The following ALMS1 variants were observed in gnomAD, a reference collection of about 807,000 sequenced individuals.
ALMS1 encodes ALMS1 centrosome and basal body associated protein, also known as centrosome-associated protein ALMS1.
In ALMS1, 271 loss-of-function variants were observed where a neutral mutation model predicts 352.2. That is an observed-to-expected ratio of 0.77 (90% CI 0.70 to 0.85). The LOEUF is 0.85. Among genes scored for constraint, ALMS1 ranks in the 40% least tolerant of loss-of-function variants. The probability of loss-of-function intolerance (pLI) is 0.00; values close to 1 mark genes in which losing one functional copy is unlikely to be tolerated. For missense variants in ALMS1, 5,445 were observed against 4,870.7 expected (o/e 1.12, Z -3.51); for synonymous variants, 1,865 against 1,761.2 (o/e 1.06, Z -1.48).
intron 9 of ALMS1, among the ~76,000 whole-genome samples, chr2:73,466,384 A>T (rs1417477685): frequency 2.0e-5 from 3 of 151,548 alleles, no homozygotes; most frequent in Admixed American, 2.0e-4. Flanking sequence ...TATCTCAAGG[A>T]CAAAAAACCA....
At chr2:73,478,068 T>C (rs1217482159) in intron 9 of ALMS1, among the ~76,000 whole-genome samples, 1 of 152,168 alleles carries the variant, frequency 6.6e-6, no homozygotes, top group East Asian at 1.9e-4. Flanking sequence ...GCATCTAGCT[T>C]TTCATTATTC....
Position 73,519,926 on chromosome 2 carries a change from G to A in ALMS1, c.9691G>A (p.Glu3231Lys), listed in dbSNP as rs1289269944. 1.2e-6 allele frequency: 2 copies of A among 1,613,946 alleles called. No individual in the cohort carries two copies. The highest frequency in any genetic ancestry group is 1.7e-5 in the Admixed American group (1 of 59,998). The change falls in exon 11 of 23, where the codon GAG (glutamate) becomes AAG (lysine). Residue 3231 changes from glutamate (E) to lysine (K), a missense_variant. Physicochemically the swap from Glu to Lys is moderately conservative, Grantham distance 56 (BLOSUM62 1). Coordinates refer to ENST00000613296, the MANE Select transcript of ALMS1 (RefSeq NM_001378454.1). ...NAEDRGHEIIEPGNQKLRKAP... is the reference protein window; with the variant it reads ...NAEDRGHEIIKPGNQKLRKAP... ...TGAAGATCGTGGACATGAAATTATA[G>A]AGCCTGGTAACCAGAAGCTACGCAA...
At chr2:73,409,745 T>C (rs148778755) in intron 2 of ALMS1, among the ~76,000 whole-genome samples, 20 of 152,298 alleles carry the variant, frequency 1.3e-4, no homozygotes, top group African/African-American at 4.8e-4. Context: ...TCTGTGTGTA[T>C]GTGTATATAT....
At chr2:73,517,765 C>G (rs1673591157) in intron 10 of ALMS1, among the ~76,000 whole-genome samples, 1 of 152,084 alleles carries the variant, frequency 6.6e-6, no homozygotes, top group African/African-American at 2.4e-5. Context: ...TCAAGTGATT[C>G]TCCTGCCTCA....
chr2:73,556,597 A>T (rs1188748596), intron 13 of ALMS1, among the ~76,000 whole-genome samples: 1 of 150,566 alleles, frequency 6.6e-6, no homozygotes, highest in Non-Finnish European at 1.5e-5. Context: ...CATTGTTCAC[A>T]TCTTTTTTCC....
At chr2:73,391,042 A>G (rs968432073) in intron 1 of ALMS1, among the ~76,000 whole-genome samples, 1 of 151,986 alleles carries the variant, frequency 6.6e-6, no homozygotes, top group South Asian at 2.1e-4. Flanking sequence ...AAGTGCTGGC[A>G]TTACAGATGT....
At chr2:73,560,003 A>G (rs935098525) in intron 15 of ALMS1, among the ~76,000 whole-genome samples, 3 of 152,202 alleles carry the variant, frequency 2.0e-5, no homozygotes, top group Non-Finnish European at 4.4e-5. Context: ...CACCAAAAAC[A>G]CAGACAACAA....
chr2:73,605,960 G>A (rs925881567), intron 21 of ALMS1, among the ~76,000 whole-genome samples: 6 of 152,252 alleles, frequency 3.9e-5, no homozygotes, highest in Middle Eastern at 3.4e-3. Flanking sequence ...TTCCAAGTAC[G>A]TGGAAAATCT....
intron 16 of ALMS1, among the ~76,000 whole-genome samples, chr2:73,586,165 G>A (rs1675307350): frequency 6.6e-6 from 1 of 152,328 alleles, no homozygotes; most frequent in African/African-American, 2.4e-5. Context: ...TGTAGATTCT[G>A]CATATTAGTC....
chr2:73,558,643 C>CT (rs1174950647), intron 14 of ALMS1, among the ~76,000 whole-genome samples: 2 of 152,004 alleles, frequency 1.3e-5, no homozygotes, highest in South Asian at 2.1e-4. Context: ...ATGTAGTCAC[C>CT]TTTTTTTTCC....
chr2:73,573,075 C>G lies in ALMS1; in HGVS notation c.11198C>G (p.Thr3733Ser). The G allele has an allele frequency of 6.2e-7, 1 of 1,614,058 alleles. No homozygotes were observed. Among genetic ancestry groups the G allele is most frequent in the Non-Finnish European group, 8.5e-7 (1 of 1,180,010 alleles). Residue 3733 changes from threonine (T) to serine (S), a missense_variant, in exon 16 of 23, where the codon ACT becomes AGT. Coordinates refer to ENST00000613296, the MANE Select transcript of ALMS1 (RefSeq NM_001378454.1). ...CCAGGTTTTAATTATATAAGCAACA[C>G]TTCTTCGGATTGTCGGCCCTCAGAG... ...KQPGFNYISN[T>S]SSDCRPSEES...
At chr2:73,586,963 A>G (rs949963419) in intron 16 of ALMS1, among the ~76,000 whole-genome samples, 2 of 148,624 alleles carry the variant, frequency 1.3e-5, no homozygotes, top group Non-Finnish European at 3.0e-5. Context: ...GAGATCTTTC[A>G]CCTCCTTGGT....
At chr2:73,542,963 C>T (rs953051135) in intron 12 of ALMS1, among the ~76,000 whole-genome samples, 1 of 152,078 alleles carries the variant, frequency 6.6e-6, no homozygotes, top group African/African-American at 2.4e-5. Flanking sequence ...AGATTCAGTG[C>T]CATCCCCATC....
intron 7 of ALMS1, among the ~76,000 whole-genome samples, chr2:73,440,074 G>A (rs561490856): frequency 5.3e-5 from 8 of 151,636 alleles, no homozygotes; most frequent in African/African-American, 1.7e-4. Context: ...TCCGCCTCCC[G>A]GGTTCACGCC....
intron 15 of ALMS1, among the ~76,000 whole-genome samples, chr2:73,561,330 C>G (rs1221516586): frequency 2.0e-5 from 3 of 151,982 alleles, no homozygotes; most frequent in African/African-American, 4.8e-5. Flanking sequence ...TTTGTTTTTT[C>G]TTCTCCCTGT....
chr2:73,408,771 C>CT (rs750536453), intron 2 of ALMS1, 24 bp downstream of exon 2: 25,346 of 1,115,212 alleles, frequency 0.023, 2 homozygotes, highest in East Asian at 0.034. Context: ...AACTGGCTAA[C>CT]TTTTTTTTTT....
intron 9 of ALMS1, among the ~76,000 whole-genome samples, chr2:73,489,391 T>C (rs974318382): frequency 7.2e-5 from 11 of 152,190 alleles, no homozygotes; most frequent in African/African-American, 2.7e-4. Context: ...TCTTTGCTGT[T>C]TACTTTAGTG....
intron 9 of ALMS1, among the ~76,000 whole-genome samples, chr2:73,459,678 C>T (rs1205518938): frequency 2.0e-5 from 3 of 152,150 alleles, no homozygotes; most frequent in South Asian, 2.1e-4. Context: ...AAGCTGGTTC[C>T]TGTGTGTTCT....
chr2:73,551,586 C>A (rs1218257858), intron 13 of ALMS1, among the ~76,000 whole-genome samples: 3 of 151,818 alleles, frequency 2.0e-5, no homozygotes, highest in African/African-American at 7.3e-5. Context: ...AGGCACCCGC[C>A]TCCACACCCA....
Sources: allele counts gnomAD v4.1 joint callset (sites outside exome capture counted in the v4.1 genomes callset), GRCh38; gene constraint gnomAD v4.1.1; transcripts MANE v1.5; gene names NCBI Gene and HGNC (gene_info 2026-07-23, HGNC 2026-07-21).